Variants in DPP10 observed in about 807,000 individuals in gnomAD.
DPP10 encodes inactive dipeptidyl peptidase 10.
Under a neutral mutation model 120.9 loss-of-function variants are expected in DPP10, and 33 were observed. That is an observed-to-expected ratio of 0.27 (90% CI 0.21 to 0.37). DPP10 has a LOEUF of 0.37. Ranked by LOEUF, DPP10 falls within the 10% of genes least tolerant of loss-of-function variation. The pLI is 1.00. For missense variants in DPP10, 816 were observed against 942.8 expected (o/e 0.87, Z 1.76); for synonymous variants, 337 against 326.1 (o/e 1.03, Z -0.36).
intron 1 of DPP10, among the ~76,000 whole-genome samples, chr2:115,180,881 A>G (rs1243367205): frequency 2.0e-5 from 3 of 151,146 alleles, no homozygotes; most frequent in Non-Finnish European, 4.4e-5. Flanking sequence ...ACTCTTGATT[A>G]TAATGATGCT....
chr2:115,343,845 A>G lies in DPP10; in HGVS notation c.204A>G (p.Arg68=), dbSNP rs1040380950. Residue 68 remains arginine, a synonymous_variant, in exon 3 of 26, where the codon AGA becomes AGG. Transcript: ENST00000410059. ...AACTCACAAATTCGTCAGAAACCAG[A>G]TTGTCTTTGGAAGACCTCTTTAGGA... ...PDELTNSSET[R]LSLEDLFRKD... 2 of 1,612,006 alleles carry G rather than the reference A, an allele frequency of 1.2e-6. No individual in the cohort carries two copies. The highest frequency in any genetic ancestry group is 1.7e-6 in the Non-Finnish European group (2 of 1,179,056).
chr2:114,884,999 A>G (rs2106616575), intron 1 of DPP10, among the ~76,000 whole-genome samples: 1 of 152,346 alleles, frequency 6.6e-6, no homozygotes, highest in East Asian at 1.9e-4. Flanking sequence ...TACTGCTAGT[A>G]TTGGGGTTAA....
intron 1 of DPP10, among the ~76,000 whole-genome samples, chr2:115,298,897 G>T (rs965802646): frequency 5.9e-5 from 9 of 152,080 alleles, no homozygotes; most frequent in Admixed American, 5.2e-4. Context: ...AAATATGAAG[G>T]CTTGATCAAA....
intron 3 of DPP10, among the ~76,000 whole-genome samples, chr2:115,410,547 G>A (rs560946595): frequency 6.6e-6 from 1 of 152,242 alleles, no homozygotes; most frequent in East Asian, 1.9e-4. Flanking sequence ...ATGATGAGTT[G>A]ATCTATGCAG....
chr2:114,578,664 C>T (rs758833215), intron 1 of DPP10, among the ~76,000 whole-genome samples: 33 of 152,168 alleles, frequency 2.2e-4, no homozygotes, highest in Admixed American at 7.9e-4. Context: ...AACCAGTTCT[C>T]ATAGAGATCA....
chr2:114,970,053 G>A (rs1699294011), intron 1 of DPP10, among the ~76,000 whole-genome samples: 1 of 152,028 alleles, frequency 6.6e-6, no homozygotes, highest in Non-Finnish European at 1.5e-5. Context: ...ATGGTTGAAT[G>A]TCTAGGTTCT....
intron 12 of DPP10, 102 bp downstream of exon 12, chr2:115,762,712 G>C: frequency 7.4e-7 from 1 of 1,355,696 alleles, no homozygotes; most frequent in Non-Finnish European, 1.0e-6. Context: ...TTAAGGCTTT[G>C]CTAGGTTTGA....
intron 7 of DPP10, among the ~76,000 whole-genome samples, chr2:115,700,656 A>G (rs542295668): frequency 1.3e-5 from 2 of 152,230 alleles, no homozygotes; most frequent in Non-Finnish European, 2.9e-5. Flanking sequence ...CCATTTACAG[A>G]TTATATAATT....
chr2:115,658,681 G>T (rs1387504988), intron 5 of DPP10, among the ~76,000 whole-genome samples: 2 of 152,070 alleles, frequency 1.3e-5, no homozygotes, highest in African/African-American at 4.8e-5. Flanking sequence ...GATAACTGAA[G>T]AAGGCAGCTT....
chr2:115,468,615 T>G, intron 3 of DPP10: 1 of 384,572 alleles, frequency 2.6e-6, no homozygotes, highest in South Asian at 2.0e-5. Flanking sequence ...TGGCACCATC[T>G]CCCATGAACA....
intron 8 of DPP10, among the ~76,000 whole-genome samples, chr2:115,737,101 C>A (rs1676620880): frequency 6.6e-6 from 1 of 152,080 alleles, no homozygotes; most frequent in African/African-American, 2.4e-5. Context: ...TGGAGCCTAC[C>A]CAATTCCAGC....
chr2:114,639,036 C>G (rs1029717722), intron 1 of DPP10, among the ~76,000 whole-genome samples: 1 of 151,820 alleles, frequency 6.6e-6, no homozygotes, highest in Non-Finnish European at 1.5e-5. Context: ...TGTAGGAACA[C>G]AAAACCAAAT....
intron 1 of DPP10, among the ~76,000 whole-genome samples, chr2:115,256,533 T>C (rs1265303031): frequency 6.6e-6 from 1 of 152,204 alleles, no homozygotes; most frequent in Non-Finnish European, 1.5e-5. Context: ...TCCGAGGTAG[T>C]GTATGGCTCT....
intron 1 of DPP10, among the ~76,000 whole-genome samples, chr2:115,159,557 AAAAC>A (rs1454073633): frequency 3.3e-5 from 5 of 152,302 alleles, no homozygotes; most frequent in Admixed American, 6.5e-5. Context: ...TAAAAAAATA[AAAAC>A]AGTGTTTAAA....
At chr2:114,512,464 T>C (rs780264196) in intron 1 of DPP10, among the ~76,000 whole-genome samples, 1 of 152,160 alleles carries the variant, frequency 6.6e-6, no homozygotes, top group African/African-American at 2.4e-5. Flanking sequence ...TTAGAGAGCC[T>C]AGTGTGGTTC....
At chr2:115,443,311 A>T (rs1001476810) in intron 3 of DPP10, among the ~76,000 whole-genome samples, 3 of 152,178 alleles carry the variant, frequency 2.0e-5, no homozygotes, top group Non-Finnish European at 4.4e-5. Flanking sequence ...TCTGAATGTG[A>T]AAAGCCTATA....
intron 1 of DPP10, among the ~76,000 whole-genome samples, chr2:114,762,708 A>G (rs953458438): frequency 1.3e-5 from 2 of 152,222 alleles, no homozygotes; most frequent in Non-Finnish European, 2.9e-5. Flanking sequence ...ATCAGAAAAG[A>G]TCCATAACAA....
At chr2:114,544,794 A>AGATT (rs1228058233) in intron 1 of DPP10, among the ~76,000 whole-genome samples, 2 of 152,180 alleles carry the variant, frequency 1.3e-5, no homozygotes, top group Non-Finnish European at 2.9e-5. Context: ...ATTAATTCAT[A>AGATT]GATTGATTAT....
At chr2:115,334,230 G>GTTTTTGTTTTTTTT (rs2062968952) in intron 2 of DPP10, among the ~76,000 whole-genome samples, 3 of 56,412 alleles carry the variant, frequency 5.3e-5, no homozygotes, top group African/African-American at 1.5e-4. Context: ...AGCAGACTCT[G>GTTTTTGTTTTTTTT]TTTTTTTTTT....
Sources: gnomAD v4.1 joint callset for allele counts (sites outside exome capture counted in the v4.1 genomes callset) on GRCh38, gnomAD v4.1.1 for gene constraint, MANE v1.5 for transcripts, NCBI Gene and HGNC (gene_info 2026-07-23, HGNC 2026-07-21) for gene names.